The following CIMIP7 variants were observed in gnomAD, a reference collection of about 807,000 sequenced individuals.
CIMIP7 encodes ciliary microtubule inner protein 7.
chr3:49,182,886 C>T, the CIMIP7 span, among the ~76,000 whole-genome samples: 247 of 152,302 alleles, frequency 1.6e-3, no homozygotes, highest in African/African-American at 5.3e-3. Flanking sequence ...CCTCACTGCC[C>T]GGGGCGGGGG....
At chr3:49,182,022 G>T in the CIMIP7 span, among the ~76,000 whole-genome samples, 4 of 152,028 alleles carry the variant, frequency 2.6e-5, no homozygotes, top group African/African-American at 9.7e-5. Flanking sequence ...CAGGCGGCGC[G>T]TCTGGAGTTG....
chr3:49,178,466 T>C, the CIMIP7 span: 3 of 1,612,354 alleles, frequency 1.9e-6, no homozygotes, highest in Middle Eastern at 1.7e-4. Context: ...CCATTCTTCC[T>C]GTCTTCGGCA....
the CIMIP7 span, among the ~76,000 whole-genome samples, chr3:49,181,142 G>C: frequency 6.6e-6 from 1 of 151,586 alleles, no homozygotes; most frequent in African/African-American, 2.4e-5. Context: ...AGGAATTCGA[G>C]ACCAGCCTGG....
At chr3:49,190,161 A>C in the CIMIP7 span, 1 of 1,542,248 alleles carries the variant, frequency 6.5e-7, no homozygotes, top group Admixed American at 1.8e-5. Flanking sequence ...AGGAATGAGG[A>C]TAAAACTCAC....
the CIMIP7 span, among the ~76,000 whole-genome samples, chr3:49,189,474 C>T: frequency 2.6e-5 from 4 of 152,146 alleles, no homozygotes; most frequent in Admixed American, 2.0e-4. Context: ...TAGTAAAGGG[C>T]CTAGGGCCCT....
At chr3:49,178,325 T>C in the CIMIP7 span, among the ~76,000 whole-genome samples, 5 of 152,178 alleles carry the variant, frequency 3.3e-5, no homozygotes, top group African/African-American at 9.7e-5. Flanking sequence ...ATAGGCTGTT[T>C]CCCAGAGGAG....
the CIMIP7 span, among the ~76,000 whole-genome samples, chr3:49,180,066 A>G: frequency 6.6e-6 from 1 of 152,210 alleles, no homozygotes; most frequent in Non-Finnish European, 1.5e-5. Context: ...TGAGGTCAGG[A>G]GTTCGAGACC....
chr3:49,178,527 C>A, the CIMIP7 span: 1 of 1,613,562 alleles, frequency 6.2e-7, no homozygotes, highest in Admixed American at 1.7e-5. Context: ...AGAAGTGTCG[C>A]TGCGCCGGCT....
the CIMIP7 span, among the ~76,000 whole-genome samples, chr3:49,186,832 A>G: frequency 6.6e-6 from 1 of 152,232 alleles, no homozygotes; most frequent in African/African-American, 2.4e-5. Context: ...TTGTTGTGAT[A>G]TTATACTATA....
chr3:49,189,679 G>A, the CIMIP7 span, among the ~76,000 whole-genome samples: 3 of 152,188 alleles, frequency 2.0e-5, no homozygotes, highest in African/African-American at 7.2e-5. Context: ...AATGGACCAT[G>A]GGCTTTCTTA....
At chr3:49,186,404 A>ATT in the CIMIP7 span, among the ~76,000 whole-genome samples, 3 of 131,264 alleles carry the variant, frequency 2.3e-5, no homozygotes, top group African/African-American at 2.8e-5. Context: ...CACCTGGCTA[A>ATT]TTTTTTTTTT....
At chr3:49,185,028 G>A in the CIMIP7 span, among the ~76,000 whole-genome samples, 5 of 151,850 alleles carry the variant, frequency 3.3e-5, no homozygotes, top group Non-Finnish European at 5.9e-5. Context: ...TTGGGGGGCC[G>A]AGGTGGGTGG....
the CIMIP7 span, among the ~76,000 whole-genome samples, chr3:49,181,847 C>T: frequency 1.3e-5 from 2 of 152,170 alleles, no homozygotes; most frequent in Non-Finnish European, 2.9e-5. Flanking sequence ...AGACTGAAGC[C>T]GCGGACCCTC....
the CIMIP7 span, among the ~76,000 whole-genome samples, chr3:49,188,916 A>G: frequency 1.3e-4 from 19 of 151,022 alleles, no homozygotes; most frequent in African/African-American, 4.6e-4. Flanking sequence ...TGCCTACCTC[A>G]GCCTCCTGAG....
At chr3:49,183,749 A>T in the CIMIP7 span, among the ~76,000 whole-genome samples, 1 of 152,208 alleles carries the variant, frequency 6.6e-6, no homozygotes, top group Non-Finnish European at 1.5e-5. Flanking sequence ...AGACAAAAAC[A>T]TATGTTCAAC....
At chr3:49,179,937 A>T in the CIMIP7 span, among the ~76,000 whole-genome samples, 1 of 152,200 alleles carries the variant, frequency 6.6e-6, no homozygotes. Context: ...CAGGAGTTTG[A>T]GACCAGCCTG....
chr3:49,189,001 G>C, the CIMIP7 span, among the ~76,000 whole-genome samples: 2 of 141,688 alleles, frequency 1.4e-5, no homozygotes, highest in Admixed American at 7.3e-5. Context: ...TTTTGCTCTT[G>C]TTGCCCAGGC....
chr3:49,180,341 G>A, the CIMIP7 span, among the ~76,000 whole-genome samples: 9 of 152,172 alleles, frequency 5.9e-5, no homozygotes, highest in African/African-American at 1.9e-4. Context: ...AGAGAGCCTT[G>A]CTCCACTCCC....
chr3:49,177,804 T>C, the CIMIP7 span: 1 of 1,612,368 alleles, frequency 6.2e-7, no homozygotes, highest in African/African-American at 1.3e-5. Flanking sequence ...CACCCTGGGA[T>C]GGGCAGCAGA....
Sources: gnomAD v4.1 joint callset for allele counts (sites outside exome capture counted in the v4.1 genomes callset) on GRCh38, gnomAD v4.1.1 for gene constraint, MANE v1.5 for transcripts, NCBI Gene and HGNC (gene_info 2026-07-23, HGNC 2026-07-21) for gene names.